The following TMEM120B variants were observed in gnomAD, a reference collection of about 807,000 sequenced individuals.
TMEM120B encodes the protein transmembrane protein 120B.
Under a neutral mutation model 55.5 loss-of-function variants are expected in TMEM120B, and 31 were observed. The ratio of observed to expected loss-of-function variants is 0.56; its 90% CI spans 0.42 to 0.75. TMEM120B has a LOEUF of 0.75. TMEM120B is among the 30% of genes least tolerant of loss of function. The pLI is 0.00. For missense variants in TMEM120B, 399 were observed against 425.5 expected (o/e 0.94, Z 0.55); for synonymous variants, 203 against 176.3 (o/e 1.15, Z -1.20).
chr12:121,764,160 CAAAAAAA>C (rs150917405), intron 6 of TMEM120B, among the ~76,000 whole-genome samples: 1 of 118,000 alleles, frequency 8.5e-6, no homozygotes, highest in African/African-American at 3.0e-5. Flanking sequence ...TCATCTTTAC[CAAAAAAA>C]AAAAAAAAAA....
chr12:121,757,902 G>T (rs1175558982), intron 5 of TMEM120B, among the ~76,000 whole-genome samples: 1 of 152,182 alleles, frequency 6.6e-6, no homozygotes, highest in Non-Finnish European at 1.5e-5. Context: ...ATCCACCCAC[G>T]TTAGCCTCCC....
At chr12:121,753,209 A>G (rs143295115) in intron 5 of TMEM120B, among the ~76,000 whole-genome samples, 80 of 152,332 alleles carry the variant, frequency 5.3e-4, no homozygotes, top group African/African-American at 1.8e-3. Flanking sequence ...AACCAGTCAC[A>G]AAAAGATACA....
At chr12:121,756,611 C>T (rs1219833341) in intron 5 of TMEM120B, among the ~76,000 whole-genome samples, 1 of 152,038 alleles carries the variant, frequency 6.6e-6, no homozygotes, top group Non-Finnish European at 1.5e-5. Context: ...AGGGAGGGAA[C>T]CCCCCCGAAT....
intron 6 of TMEM120B, among the ~76,000 whole-genome samples, chr12:121,764,538 G>T (rs543020002): frequency 6.6e-6 from 1 of 152,014 alleles, no homozygotes; most frequent in East Asian, 1.9e-4. Flanking sequence ...AATTAGCCAG[G>T]CATGGTGGTG....
intron 9 of TMEM120B, among the ~76,000 whole-genome samples, chr12:121,773,970 T>C (rs925836659): frequency 5.4e-5 from 8 of 148,460 alleles, no homozygotes; most frequent in African/African-American, 1.5e-4. Flanking sequence ...TTTTTTTTTT[T>C]TTTTTGAGAC....
intron 1 of TMEM120B, among the ~76,000 whole-genome samples, chr12:121,732,018 C>A (rs564280140): frequency 5.9e-5 from 9 of 152,134 alleles, no homozygotes; most frequent in African/African-American, 2.2e-4. Flanking sequence ...GCGCCTGTAG[C>A]CCCAGCTACT....
rs937962219 is a variant in TMEM120B at position 121,712,858 on chromosome 12, G to C, written c.-38G>C. Reference sequence around the variant, plus strand: ...GGGGGCCGGTCGGGCAGCGCTGCGGGAGCAGCCGCCGGCACCGCCGCCTTG... The same window carrying C: ...GGGGGCCGGTCGGGCAGCGCTGCGGCAGCAGCCGCCGGCACCGCCGCCTTG... On this transcript the variant is annotated 5_prime_UTR_variant, in exon 1 of 12. Transcript: ENST00000449592. The C allele has an allele frequency of 6.3e-6, 9 of 1,421,642 alleles. No individual in the cohort carries two copies. Among genetic ancestry groups the C allele is most frequent in the African/African-American group, 3.0e-5 (2 of 66,696 alleles). 88.1% of individuals were successfully genotyped at this position (1,421,642 alleles called of 1,614,324 possible). A position where few individuals can be genotyped will look rare whatever the true frequency, so the allele number is the denominator to read the frequency against.
intron 1 of TMEM120B, among the ~76,000 whole-genome samples, chr12:121,729,071 C>G (rs1386353599): frequency 6.6e-6 from 1 of 152,234 alleles, no homozygotes; most frequent in Non-Finnish European, 1.5e-5. Flanking sequence ...AACCCTGCTT[C>G]TAGCCACATT....
chr12:121,713,210 C>T (rs533657172), intron 1 of TMEM120B, among the ~76,000 whole-genome samples: 1 of 152,208 alleles, frequency 6.6e-6, no homozygotes, highest in Admixed American at 6.5e-5. Flanking sequence ...CTCTGCTCCA[C>T]GCACCCCCTT....
chr12:121,739,165 C>T (rs1192238651), intron 1 of TMEM120B, among the ~76,000 whole-genome samples: 5 of 151,986 alleles, frequency 3.3e-5, no homozygotes, highest in African/African-American at 7.2e-5. Flanking sequence ...CTGGCCTGGG[C>T]GACAAGAGTC....
At chr12:121,764,412 C>G (rs1183693052) in intron 6 of TMEM120B, among the ~76,000 whole-genome samples, 1 of 152,094 alleles carries the variant, frequency 6.6e-6, no homozygotes, top group Non-Finnish European at 1.5e-5. Context: ...CCCAGCTACT[C>G]AGGAAGGCTG....
chr12:121,725,960 C>G (rs977909667), intron 1 of TMEM120B, among the ~76,000 whole-genome samples: 3 of 149,944 alleles, frequency 2.0e-5, no homozygotes, highest in African/African-American at 7.4e-5. Context: ...TGGCTTGAAC[C>G]TGAGAGGCGG....
At chr12:121,757,306 A>C (rs929888396) in intron 5 of TMEM120B, among the ~76,000 whole-genome samples, 1 of 149,082 alleles carries the variant, frequency 6.7e-6, no homozygotes, top group Admixed American at 6.7e-5. Context: ...AGATCACAGG[A>C]GCGCACCACC....
At chr12:121,748,564 G>A in intron 3 of TMEM120B, 122 bp downstream of exon 3, 1 of 668,016 alleles carries the variant, frequency 1.5e-6, no homozygotes, top group Non-Finnish European at 2.5e-6. Flanking sequence ...GGAAACAAGG[G>A]CAGGAGAGAT....
intron 4 of TMEM120B, among the ~76,000 whole-genome samples, chr12:121,751,504 G>A (rs1307129984): frequency 2.0e-5 from 3 of 151,350 alleles, no homozygotes; most frequent in African/African-American, 7.3e-5. Flanking sequence ...GCTCAGGGAA[G>A]TTGCATCTAA....
chr12:121,765,882 A>G (rs1487352027), intron 6 of TMEM120B, among the ~76,000 whole-genome samples: 1 of 152,126 alleles, frequency 6.6e-6, no homozygotes, highest in East Asian at 1.9e-4. Context: ...AGTAGCTCAG[A>G]AGCCCTTGCA....
chr12:121,758,814 A>G (rs1340992216), intron 5 of TMEM120B: 3 of 979,158 alleles, frequency 3.1e-6, no homozygotes, highest in Admixed American at 6.4e-5. Flanking sequence ...TGTGGTCACC[A>G]TGGAGGAGGA....
chr12:121,779,551 C>T lies in TMEM120B; in HGVS notation c.*3829C>T, dbSNP rs769666651. On this transcript the variant is annotated 3_prime_UTR_variant, in exon 12 of 12. Transcript: ENST00000449592. ...TTCTGCCGTTGCGCCTTCTTCAGAGCGCTGAGAGCCACCTTGGCGGCCTCC... is the reference window on the plus strand; with the variant it reads ...TTCTGCCGTTGCGCCTTCTTCAGAGTGCTGAGAGCCACCTTGGCGGCCTCC... 54 of 1,613,870 alleles carry T rather than the reference C, an allele frequency of 3.3e-5. No homozygotes were observed. Among genetic ancestry groups the T allele is most frequent in the East Asian group, 2.9e-4 (13 of 44,900 alleles).
rs541145562 is a variant in TMEM120B, at chr12:121,712,833, G to T, written c.-63G>T. ...GCGAGCGCGCGGGCGTGGGGCGCTG[G>T]GGGGCCGGTCGGGCAGCGCTGCGGG... On this transcript the variant is annotated 5_prime_UTR_variant, in exon 1 of 12. Coordinates refer to ENST00000449592, the MANE Select transcript of TMEM120B (RefSeq NM_001080825.2). 1.1e-5 allele frequency: 14 copies of T among 1,268,814 alleles called. No individual in the cohort carries two copies. The highest frequency in any genetic ancestry group is 3.2e-5 in the East Asian group (1 of 31,026). The allele number at this position is 1,268,814 out of a possible 1,614,324, so 78.6% of individuals were successfully genotyped here.
Sources: allele counts gnomAD v4.1 joint callset (sites outside exome capture counted in the v4.1 genomes callset), GRCh38; gene constraint gnomAD v4.1.1; transcripts MANE v1.5; gene names NCBI Gene and HGNC (gene_info 2026-07-23, HGNC 2026-07-21).